SBF2: variants seen among roughly 807,000 people sequenced by gnomAD.
SBF2 encodes the protein myotubularin-related protein 13.
A neutral mutation model predicts 225.2 loss-of-function variants in SBF2; 112 were observed. That is an observed-to-expected ratio of 0.50 (90% confidence interval 0.43 to 0.58). SBF2 has a LOEUF of 0.58. Among genes scored for constraint, SBF2 ranks in the 20% least tolerant of loss-of-function variants. The pLI is 0.00. For synonymous variants in SBF2, 763 were observed against 773.3 expected, an observed-to-expected ratio of 0.99 and a Z score of 0.22; for missense variants, 1,996 against 2,206.2, an observed-to-expected ratio of 0.90 and a Z score of 1.91.
chr11:9,991,637 A>C (rs1947444700), intron 12 of SBF2, among the ~76,000 whole-genome samples: 1 of 152,132 alleles, frequency 6.6e-6, no homozygotes, highest in Non-Finnish European at 1.5e-5. Flanking sequence ...GGCTGCTGTG[A>C]ATATAGAGTT....
chr11:9,882,696 A>T (rs1859902767), intron 17 of SBF2, among the ~76,000 whole-genome samples: 1 of 148,338 alleles, frequency 6.7e-6, no homozygotes, highest in Admixed American at 7.0e-5. Context: ...AATCCCAGCT[A>T]CTTGGGAGGC....
At chr11:9,853,789 T>C in intron 19 of SBF2, 77 bp from the exon 20 acceptor site, 4 of 1,342,870 alleles carry the variant, frequency 3.0e-6, no homozygotes, top group Non-Finnish European at 3.2e-6. Flanking sequence ...TCAATTTACA[T>C]AGCGACAGAA....
intron 2 of SBF2, among the ~76,000 whole-genome samples, chr11:10,115,154 G>T (rs981402575): frequency 2.0e-5 from 3 of 152,014 alleles, no homozygotes; most frequent in Admixed American, 1.3e-4. Context: ...CCTGGCCTCG[G>T]TGAACAAATT....
intron 2 of SBF2, among the ~76,000 whole-genome samples, chr11:10,145,666 T>C (rs973847601): frequency 2.6e-5 from 4 of 152,198 alleles, no homozygotes; most frequent in Non-Finnish European, 5.9e-5. Context: ...TTCCATTTAA[T>C]TGGGAGTTCC....
intron 1 of SBF2, among the ~76,000 whole-genome samples, chr11:10,255,919 C>T (rs969614343): frequency 2.6e-5 from 4 of 152,198 alleles, no homozygotes; most frequent in African/African-American, 9.6e-5. Flanking sequence ...TTTCCCTGGT[C>T]AACAGCGCCA....
intron 1 of SBF2, among the ~76,000 whole-genome samples, chr11:10,196,861 TA>T (rs1189318565): frequency 0.046 from 1,337 of 29,242 alleles, 70 homozygotes; most frequent in Middle Eastern, 0.1. Context: ...TATATATATA[TA>T]TATATTTTTT....
Position 10,272,186 on chromosome 11 carries a change from C to T in SBF2, c.55+21829G>A, listed in dbSNP as rs1962532355. 14 of 1,097,988 alleles carry T rather than the reference C, an allele frequency of 1.3e-5. 5 individuals are homozygous for T. Among genetic ancestry groups the T allele is most frequent in the Non-Finnish European group, 1.5e-5 (12 of 792,328 alleles). 68.0% of individuals were successfully genotyped at this position (1,097,988 alleles called of 1,614,324 possible). On this transcript the variant is annotated intron_variant, in intron 1 of 39. Transcript: ENST00000256190. ...TGCAGCTGCCTGAGAGACCTTGATC[C>T]TCTCCACGCCAGCCTCCAACTTGAG...
At chr11:10,175,037 A>G in intron 2 of SBF2, among the ~76,000 whole-genome samples, 1 of 152,158 alleles carries the variant, frequency 6.6e-6, no homozygotes, top group Non-Finnish European at 1.5e-5. Context: ...GGAACGACCG[A>G]TACCAGCCGC....
At chr11:9,803,412 A>C (rs1328112106) in intron 32 of SBF2, among the ~76,000 whole-genome samples, 1 of 152,180 alleles carries the variant, frequency 6.6e-6, no homozygotes, top group Non-Finnish European at 1.5e-5. Context: ...TAATCATACC[A>C]CTTAAGGGGT....
At chr11:9,962,323 A>G (rs901853987) in intron 15 of SBF2, among the ~76,000 whole-genome samples, 1 of 152,226 alleles carries the variant, frequency 6.6e-6, no homozygotes, top group Non-Finnish European at 1.5e-5. Flanking sequence ...ATATAAGATA[A>G]TTATGTGATA....
At chr11:9,826,747 G>A (rs1160104463) in intron 28 of SBF2, among the ~76,000 whole-genome samples, 14 of 150,916 alleles carry the variant, frequency 9.3e-5, no homozygotes, top group Non-Finnish European at 1.6e-4. Flanking sequence ...GTGTGTGTGT[G>A]TGTATGTGTG....
At chr11:10,082,916 C>A (rs958507406) in intron 2 of SBF2, among the ~76,000 whole-genome samples, 1 of 152,018 alleles carries the variant, frequency 6.6e-6, no homozygotes, top group African/African-American at 2.4e-5. Flanking sequence ...AAATAAAAGG[C>A]GTCCAAATTG....
chr11:10,115,024 G>A (rs1158766311), intron 2 of SBF2, among the ~76,000 whole-genome samples: 1 of 152,158 alleles, frequency 6.6e-6, no homozygotes, highest in Non-Finnish European at 1.5e-5. Context: ...CCAGGGATAT[G>A]GGAAAGAGGT....
chr11:9,980,182 T>A (rs770850496), intron 13 of SBF2, among the ~76,000 whole-genome samples: 1 of 151,316 alleles, frequency 6.6e-6, no homozygotes, highest in Non-Finnish European at 1.5e-5. Context: ...GATTTCACCA[T>A]GTTGGCCAAG....
chr11:10,193,916 G>C lies in SBF2; in HGVS notation c.127C>G (p.Gln43Glu). Residue 43 changes from glutamine to glutamate, a missense_variant, in exon 2 of 40, where the codon CAG becomes GAG. Physicochemically the swap from Gln to Glu is conservative, Grantham distance 29. Coordinates refer to ENST00000256190, the MANE Select transcript of SBF2 (RefSeq NM_030962.4). ...QKDWDDTPFP[Q>E]GIELFCQPGG... ...CAACCACTTACCAACTCAATTCCCTGTGGAAAAGGTGTATCATCCCAGTCC... is the reference window on the plus strand; with the variant it reads ...CAACCACTTACCAACTCAATTCCCTCTGGAAAAGGTGTATCATCCCAGTCC... 6.2e-7 allele frequency: 1 copy of C among 1,610,578 alleles called. No homozygotes were observed. The highest frequency in any genetic ancestry group is 1.7e-5 in the Admixed American group (1 of 60,018).
intron 32 of SBF2, among the ~76,000 whole-genome samples, chr11:9,800,171 GGGTTGCAGTGA>G (rs899681449): frequency 2.0e-5 from 3 of 151,984 alleles, no homozygotes; most frequent in African/African-American, 7.2e-5. Flanking sequence ...CTGGGAGGCA[GGGTTGCAGTGA>G]GCCAAGATTT....
At chr11:10,115,165 AAC>A (rs1219502813) in intron 2 of SBF2, among the ~76,000 whole-genome samples, 2 of 152,220 alleles carry the variant, frequency 1.3e-5, no homozygotes, top group African/African-American at 4.8e-5. Context: ...TGAACAAATT[AAC>A]ATTCCTTTAG....
At chr11:9,851,150 C>A (rs11042512) in intron 21 of SBF2, among the ~76,000 whole-genome samples, 49,625 of 116,694 alleles carry the variant, frequency 0.43, 12,059 homozygotes, top group Non-Finnish European at 0.57. Flanking sequence ...AAAAAAAAAA[C>A]AACAACAAAA....
intron 2 of SBF2, among the ~76,000 whole-genome samples, chr11:10,053,532 G>A (rs2134723687): frequency 6.6e-6 from 1 of 152,310 alleles, no homozygotes; most frequent in Non-Finnish European, 1.5e-5. Context: ...ACTGAAGTCT[G>A]TGCCAAGCCA....
Sources: allele counts gnomAD v4.1 joint callset (sites outside exome capture counted in the v4.1 genomes callset), GRCh38; gene constraint gnomAD v4.1.1; transcripts MANE v1.5; gene names NCBI Gene and HGNC (gene_info 2026-07-23, HGNC 2026-07-21).